The following FOXN3 variants were observed in gnomAD, a reference collection of about 807,000 sequenced individuals.
FOXN3 encodes the protein forkhead box N3.
FOXN3 carries 7 observed loss-of-function variants against 38.4 expected under a neutral mutation model. That is an observed-to-expected ratio of 0.18 (90% CI 0.10 to 0.34). The LOEUF (loss-of-function observed/expected upper bound fraction) is 0.34. FOXN3 is among the 10% of genes least tolerant of loss of function. The probability of loss-of-function intolerance (pLI) is 1.00; values close to 1 mark genes in which losing one functional copy is unlikely to be tolerated. For synonymous variants in FOXN3, 230 were observed against 242.2 expected (o/e 0.95, Z 0.47); for missense variants, 456 against 613.4 (o/e 0.74, Z 2.71).
intron 1 of FOXN3, among the ~76,000 whole-genome samples, chr14:89,555,096 T>C (rs1271689353): frequency 6.9e-6 from 1 of 144,274 alleles, no homozygotes; most frequent in African/African-American, 2.6e-5. Flanking sequence ...CAGCCAAATA[T>C]TAGCATTTCT....
At chr14:89,328,470 T>G (rs976251467) in intron 3 of FOXN3, among the ~76,000 whole-genome samples, 14 of 151,682 alleles carry the variant, frequency 9.2e-5, no homozygotes, top group African/African-American at 3.2e-4. Context: ...CCTGGTTGAA[T>G]GGGTGAAGAG....
At chr14:89,344,105 C>T (rs1304109285) in intron 3 of FOXN3, among the ~76,000 whole-genome samples, 1 of 152,092 alleles carries the variant, frequency 6.6e-6, no homozygotes, top group Non-Finnish European at 1.5e-5. Flanking sequence ...ATTTTATAGT[C>T]ATCCAAAAAA....
intron 2 of FOXN3, among the ~76,000 whole-genome samples, chr14:89,368,341 AAAAAG>A (rs1890217310): frequency 1.4e-5 from 2 of 143,516 alleles, no homozygotes; most frequent in Non-Finnish European, 3.0e-5. Context: ...AAAAAAAAAA[AAAAAG>A]AACACCGAAT....
intron 2 of FOXN3, among the ~76,000 whole-genome samples, chr14:89,354,783 A>G (rs951491909): frequency 2.6e-5 from 4 of 151,782 alleles, no homozygotes; most frequent in Non-Finnish European, 5.9e-5. Flanking sequence ...TGAACCCAGG[A>G]GGCAGAGGTT....
At chr14:89,567,856 G>A (rs543065342) in intron 1 of FOXN3, among the ~76,000 whole-genome samples, 1 of 151,812 alleles carries the variant, frequency 6.6e-6, no homozygotes, top group East Asian at 1.9e-4. Flanking sequence ...CAGAGTAGCT[G>A]GGATTACAGG....
rs1887198983 is a variant in FOXN3, at chr14:89,164,828, C to T, written c.852-1859G>A. Among the ~76,000 whole-genome samples the T allele has an allele frequency of 6.6e-6, 1 of 152,132 alleles. No individual in the cohort carries two copies. The highest frequency in any genetic ancestry group is 1.5e-5 in the Non-Finnish European group (1 of 68,024). On this transcript the variant is annotated intron_variant, in intron 5 of 5. Coordinates refer to ENST00000557258, the MANE Select transcript of FOXN3 (RefSeq NM_005197.4). The surrounding 1 kb of genome is among the most constrained non-coding windows in gnomAD (Gnocchi z 4.3). ...CTTTTCTCCTGTCACCCTCATGGGC[C>T]TTGAGGCTCAGGGAGACTTCAGCTG...
intron 1 of FOXN3, among the ~76,000 whole-genome samples, chr14:89,511,297 T>C (rs1459711852): frequency 7.8e-6 from 1 of 128,570 alleles, no homozygotes; most frequent in Admixed American, 8.9e-5. Context: ...CTTTCTTTCT[T>C]TCTTTCTTTC....
chr14:89,324,445 T>C (rs1165990714), intron 3 of FOXN3, among the ~76,000 whole-genome samples: 96 of 6,656 alleles, frequency 0.014, no homozygotes, highest in African/African-American at 0.088. Flanking sequence ...AGTGTGTGCG[T>C]GTGTGTGTGT....
chr14:89,324,435 AGTGTGTGCGTGTGTGTGTGTGTGT>A (rs1239388056), intron 3 of FOXN3, among the ~76,000 whole-genome samples: 3 of 123,478 alleles, frequency 2.4e-5, no homozygotes, highest in African/African-American at 9.9e-5. Flanking sequence ...GAAACAGCTA[AGTGTGTGCGTGTGTGTGTGTGTGT>A]GTGTGTGTGT....
At chr14:89,609,138 A>G (rs563019779) in intron 1 of FOXN3, among the ~76,000 whole-genome samples, 1 of 152,298 alleles carries the variant, frequency 6.6e-6, no homozygotes, top group Non-Finnish European at 1.5e-5. Flanking sequence ...GTGGGGCAAG[A>G]TTATAAAAGA....
At chr14:89,478,594 T>A (rs955456074) in intron 1 of FOXN3, among the ~76,000 whole-genome samples, 16 of 152,154 alleles carry the variant, frequency 1.1e-4, no homozygotes, top group Non-Finnish European at 2.1e-4. Flanking sequence ...TGCCACAGAA[T>A]AAAGTACTGG....
intron 1 of FOXN3, among the ~76,000 whole-genome samples, chr14:89,439,835 T>C (rs1307427377): frequency 6.6e-6 from 1 of 151,294 alleles, no homozygotes; most frequent in Non-Finnish European, 1.5e-5. Context: ...TTTTGTATTT[T>C]AGTAGAGACG....
chr14:89,540,394 T>A (rs573179602), intron 1 of FOXN3, among the ~76,000 whole-genome samples: 5 of 152,148 alleles, frequency 3.3e-5, no homozygotes, highest in Non-Finnish European at 5.9e-5. Flanking sequence ...AGCATTTTTT[T>A]AAAATCTCGC....
At chr14:89,513,771 A>G (rs1475469742) in intron 1 of FOXN3, among the ~76,000 whole-genome samples, 1 of 151,350 alleles carries the variant, frequency 6.6e-6, no homozygotes, top group Non-Finnish European at 1.5e-5. Context: ...ATTTTTTTGT[A>G]TTTTTAATAG....
intron 2 of FOXN3, among the ~76,000 whole-genome samples, chr14:89,369,558 T>C (rs974461195): frequency 6.6e-6 from 1 of 151,492 alleles, no homozygotes; most frequent in African/African-American, 2.4e-5. Context: ...TTTTTTTTTT[T>C]TTAAAAAAGA....
At chr14:89,339,002 T>C (rs1453218493) in intron 3 of FOXN3, among the ~76,000 whole-genome samples, 1 of 152,152 alleles carries the variant, frequency 6.6e-6, no homozygotes, top group African/African-American at 2.4e-5. Context: ...AGTATTCTTT[T>C]TGTTGGTTTG....
chr14:89,424,311 G>T (rs1891977445), intron 1 of FOXN3, among the ~76,000 whole-genome samples: 1 of 152,152 alleles, frequency 6.6e-6, no homozygotes, highest in Non-Finnish European at 1.5e-5. Flanking sequence ...GAGTTTAGGG[G>T]AAAATGAATA....
chr14:89,180,017 T>C (rs953403598), intron 5 of FOXN3, among the ~76,000 whole-genome samples: 2 of 152,096 alleles, frequency 1.3e-5, no homozygotes, highest in African/African-American at 2.4e-5. Flanking sequence ...GGTGGATGGA[T>C]GGGCAGGAGT....
intron 4 of FOXN3, among the ~76,000 whole-genome samples, chr14:89,247,672 A>G (rs1885336641): frequency 6.6e-6 from 1 of 152,152 alleles, no homozygotes; most frequent in African/African-American, 2.4e-5. Context: ...TTGTAACTGG[A>G]TTCCACACAT....
Sources: gnomAD v4.1 joint callset for allele counts (sites outside exome capture counted in the v4.1 genomes callset) on GRCh38, gnomAD v4.1.1 for gene constraint, Gnocchi (gnomAD v3.1) non-coding constraint, MANE v1.5 for transcripts, NCBI Gene and HGNC (gene_info 2026-07-23, HGNC 2026-07-21) for gene names.